The following TESK2 variants were observed in gnomAD, a reference collection of about 807,000 sequenced individuals.
TESK2 encodes dual specificity testis-specific protein kinase 2.
In TESK2, 39 loss-of-function variants were observed where a neutral mutation model predicts 57.1. The observed-to-expected ratio is 0.68, with a 90% confidence interval of 0.53 to 0.89. The LOEUF (loss-of-function observed/expected upper bound fraction) is 0.89. Ranked by LOEUF, TESK2 falls within the 40% of genes least tolerant of loss-of-function variation. TESK2 has a pLI of 0.00. For missense variants in TESK2, 646 were observed against 732.1 expected (o/e 0.88, Z 1.36); for synonymous variants, 249 against 267.9 (o/e 0.93, Z 0.69).
At chr1:45,368,026 C>T (rs568982440) in intron 4 of TESK2, among the ~76,000 whole-genome samples, 4 of 146,918 alleles carry the variant, frequency 2.7e-5, no homozygotes, top group African/African-American at 1.0e-4. Context: ...TGGAGTTTCA[C>T]TCTTGTTGCC....
At position 45,399,463 on chromosome 1, in the gene TESK2, C is replaced by T. The variant is rs188943399; in HGVS notation, c.345-13503G>A. On this transcript the variant is annotated intron_variant, in intron 3 of 10. Transcript: ENST00000372086. Reference sequence around the variant, plus strand: ...CCGAGTAGCTGGGATTATAGGCATGCGCCACCACACCCAGCTAATTTTTGT... The same window carrying T: ...CCGAGTAGCTGGGATTATAGGCATGTGCCACCACACCCAGCTAATTTTTGT... Among the ~76,000 whole-genome samples, 153 of 152,182 alleles carry T rather than the reference C, an allele frequency of 1.0e-3. No homozygotes were observed. The East Asian group carries it at 0.014, about 14-fold the overall frequency.
intron 1 of TESK2, among the ~76,000 whole-genome samples, chr1:45,468,290 T>G (rs925619359): frequency 6.6e-6 from 1 of 152,066 alleles, no homozygotes; most frequent in Non-Finnish European, 1.5e-5. Context: ...TGGTAAGAAG[T>G]AGAGTCCTCT....
chr1:45,408,861 G>A (rs1649941011), intron 3 of TESK2, among the ~76,000 whole-genome samples: 1 of 152,092 alleles, frequency 6.6e-6, no homozygotes, highest in African/African-American at 2.4e-5. Flanking sequence ...ATGTTCACTA[G>A]TATGAAGTAT....
At chr1:45,352,625 G>A (rs1416756481) in intron 5 of TESK2, among the ~76,000 whole-genome samples, 1 of 152,154 alleles carries the variant, frequency 6.6e-6, no homozygotes, top group Non-Finnish European at 1.5e-5. Flanking sequence ...ATAAAATGCT[G>A]TGCACTACTT....
intron 4 of TESK2, among the ~76,000 whole-genome samples, chr1:45,384,721 C>T (rs187120406): frequency 3.5e-5 from 5 of 144,762 alleles, no homozygotes; most frequent in African/African-American, 5.1e-5. Flanking sequence ...TTCTAGGGCT[C>T]AGCTCTTGGT....
At chr1:45,475,209 C>CTTTGTTTT (rs1652935574) in intron 1 of TESK2, among the ~76,000 whole-genome samples, 1 of 113,158 alleles carries the variant, frequency 8.8e-6, no homozygotes, top group Non-Finnish European at 1.8e-5. Context: ...TTAGCCTGGC[C>CTTTGTTTT]TTTTTTTTTT....
At chr1:45,353,853 A>G (rs1222455069) in intron 5 of TESK2, among the ~76,000 whole-genome samples, 1 of 151,926 alleles carries the variant, frequency 6.6e-6, no homozygotes, top group Non-Finnish European at 1.5e-5. Flanking sequence ...TCTGAAAGCG[A>G]CTCTTTTCTA....
chr1:45,390,680 A>G (rs1570680559), intron 3 of TESK2, among the ~76,000 whole-genome samples: 1 of 150,950 alleles, frequency 6.6e-6, no homozygotes, highest in East Asian at 1.9e-4. Context: ...GGCTCAAGCA[A>G]TCCTCCCACC....
intron 4 of TESK2, among the ~76,000 whole-genome samples, chr1:45,360,854 G>T (rs1557542975): frequency 1.3e-5 from 2 of 152,200 alleles, no homozygotes; most frequent in African/African-American, 4.8e-5. Flanking sequence ...GTCTCACTCT[G>T]TCCCTCAGGC....
chr1:45,418,050 G>A (rs990569660), intron 3 of TESK2, among the ~76,000 whole-genome samples: 9 of 152,032 alleles, frequency 5.9e-5, no homozygotes, highest in African/African-American at 2.2e-4. Context: ...AGTAAGAAAA[G>A]GAATGATAAA....
intron 2 of TESK2, among the ~76,000 whole-genome samples, chr1:45,448,299 T>A: frequency 6.8e-6 from 1 of 146,974 alleles, no homozygotes. Flanking sequence ...ATTGAACAGA[T>A]ACCTCACCAA....
intron 5 of TESK2, among the ~76,000 whole-genome samples, chr1:45,349,393 G>A (rs1570635975): frequency 6.6e-6 from 1 of 152,096 alleles, no homozygotes; most frequent in Admixed American, 6.6e-5. Flanking sequence ...CTCAGCACTC[G>A]CAGCTCCCTG....
intron 1 of TESK2, among the ~76,000 whole-genome samples, chr1:45,488,433 G>A (rs1268624802): frequency 1.3e-5 from 2 of 152,136 alleles, no homozygotes; most frequent in African/African-American, 4.8e-5. Flanking sequence ...CTATCCTTTT[G>A]GTGTCAAAGG....
intron 1 of TESK2, among the ~76,000 whole-genome samples, chr1:45,479,733 T>C (rs1393720661): frequency 3.3e-5 from 5 of 151,992 alleles, no homozygotes; most frequent in Admixed American, 1.3e-4. Flanking sequence ...TCACAGAGCA[T>C]TTTGATCTTC....
chr1:45,399,046 T>C (rs1012160607), intron 3 of TESK2: 4 of 404,438 alleles, frequency 9.9e-6, no homozygotes, highest in Non-Finnish European at 1.9e-5. Context: ...CTGGACAACA[T>C]ATACCATGTA....
intron 2 of TESK2, among the ~76,000 whole-genome samples, chr1:45,429,310 C>T (rs1052537045): frequency 2.0e-5 from 3 of 152,060 alleles, no homozygotes; most frequent in Non-Finnish European, 2.9e-5. Context: ...GCAGAAGAAT[C>T]GCTTGAACCC....
chr1:45,344,834 A>G lies in TESK2; in HGVS notation c.*6T>C, dbSNP rs768544697. On this transcript the variant is annotated 3_prime_UTR_variant, in exon 11 of 11. Transcript: ENST00000372086. ...ATCCCCAAGGTGAGGCAGGGACTAAACCCCCTCACCCATCCTGCTTTCCCT... is the reference window on the plus strand; with the variant it reads ...ATCCCCAAGGTGAGGCAGGGACTAAGCCCCCTCACCCATCCTGCTTTCCCT... 6.2e-7 allele frequency: 1 copy of G among 1,608,956 alleles called. No homozygotes were observed. Among genetic ancestry groups the G allele is most frequent in the Non-Finnish European group, 8.5e-7 (1 of 1,177,880 alleles).
At chr1:45,422,188 C>T (rs559401290) in intron 2 of TESK2, among the ~76,000 whole-genome samples, 1 of 152,198 alleles carries the variant, frequency 6.6e-6, no homozygotes, top group Non-Finnish European at 1.5e-5. Context: ...AGCAAATTAA[C>T]ACAGGAACAG....
chr1:45,459,651 G>A (rs1652253591), intron 1 of TESK2, among the ~76,000 whole-genome samples: 1 of 152,114 alleles, frequency 6.6e-6, no homozygotes, highest in Non-Finnish European at 1.5e-5. Flanking sequence ...AAACCAGTAA[G>A]GGCAACATAG....
Sources: allele counts gnomAD v4.1 joint callset (sites outside exome capture counted in the v4.1 genomes callset), GRCh38; gene constraint gnomAD v4.1.1; transcripts MANE v1.5; gene names NCBI Gene and HGNC (gene_info 2026-07-23, HGNC 2026-07-21).